Variants in XRN1 observed in about 807,000 individuals in gnomAD.
XRN1 encodes the protein 5'-3' exoribonuclease 1.
XRN1 carries 67 observed loss-of-function variants against 222.3 expected under a neutral mutation model. The ratio of observed to expected loss-of-function variants is 0.30; its 90% CI spans 0.25 to 0.37. The LOEUF (loss-of-function observed/expected upper bound fraction) is 0.37. Ranked by LOEUF, XRN1 falls within the 10% of genes least tolerant of loss-of-function variation. The pLI, the probability that XRN1 is intolerant of heterozygous loss-of-function variation, is 1.00. For synonymous variants in XRN1, 643 were observed against 652.4 expected (o/e 0.99, Z 0.22); for missense variants, 1,707 against 2,000.2 (o/e 0.85, Z 2.80).
At chr3:142,386,257 G>C (rs1577340402) in intron 20 of XRN1, among the ~76,000 whole-genome samples, 1 of 151,930 alleles carries the variant, frequency 6.6e-6, no homozygotes, top group East Asian at 1.9e-4. Context: ...TATTTCTCAT[G>C]AAAGTAGATG....
In XRN1 at chr3:142,417,244, T is replaced by A. The variant is rs2068822429; in HGVS notation, c.1347-15A>T. ...CCAGAAAGTCACTGAAAATAGAATA[T>A]TTTCATTATAACATATTTTCTGAAG... On this transcript the variant is annotated splice_polypyrimidine_tract_variant and intron_variant, in intron 12 of 40. Coordinates refer to ENST00000392981, the MANE Select transcript of XRN1 (RefSeq NM_001282857.2). 1.2e-6 allele frequency: 2 copies of A among 1,610,184 alleles called. No homozygotes were observed. The highest frequency in any genetic ancestry group is 1.7e-6 in the Non-Finnish European group (2 of 1,177,480).
intron 29 of XRN1, among the ~76,000 whole-genome samples, chr3:142,363,914 C>A (rs1235611058): frequency 6.6e-6 from 1 of 151,994 alleles, no homozygotes; most frequent in African/African-American, 2.4e-5. Flanking sequence ...AGTGAGTCTT[C>A]CAAAAAAGTA....
chr3:142,373,233 A>C (rs1577316698), intron 25 of XRN1, among the ~76,000 whole-genome samples: 1 of 152,236 alleles, frequency 6.6e-6, no homozygotes, highest in South Asian at 2.1e-4. Flanking sequence ...TTTAGAAATT[A>C]AAATGATTAA....
chr3:142,378,790 G>T (rs1236744928), intron 23 of XRN1, among the ~76,000 whole-genome samples: 1 of 151,894 alleles, frequency 6.6e-6, no homozygotes, highest in African/African-American at 2.4e-5. Flanking sequence ...AACAGGAGAA[G>T]GGAAGAAAAA....
intron 1 of XRN1, chr3:142,436,147 A>G (rs866242226): frequency 6.6e-6 from 1 of 152,282 alleles, no homozygotes. Context: ...TCATAAGTCT[A>G]ATAAGCACAT....
At chr3:142,407,726 C>T (rs1251264604) in intron 15 of XRN1, 1 of 152,164 alleles carries the variant, frequency 6.6e-6, no homozygotes, top group Non-Finnish European at 1.5e-5. Context: ...TTCTTTGTAT[C>T]ATTCCAGTTT....
intron 21 of XRN1, 71 bp from the exon 22 acceptor site, chr3:142,383,484 G>A (rs1345151098): frequency 4.8e-6 from 6 of 1,261,962 alleles, no homozygotes; most frequent in Admixed American, 2.2e-5. Flanking sequence ...TTTTCCTATG[G>A]GATTATGACT....
intron 13 of XRN1, among the ~76,000 whole-genome samples, chr3:142,415,991 A>T (rs1348629333): frequency 2.0e-5 from 3 of 152,122 alleles, no homozygotes; most frequent in South Asian, 4.1e-4. Context: ...CTGAGGTATG[A>T]TAATTGCTTG....
chr3:142,431,891 TAATATATATATTATATATATAAA>T (rs1559879573), intron 2 of XRN1, among the ~76,000 whole-genome samples: 29 of 35,114 alleles, frequency 8.3e-4, no homozygotes, highest in African/African-American at 3.5e-3. Flanking sequence ...ATATTATATA[TAATATATATATTATATATATAAA>T]TATATATAAT....
intron 15 of XRN1, among the ~76,000 whole-genome samples, chr3:142,409,687 T>C (rs1293992267): frequency 6.6e-6 from 1 of 152,212 alleles, no homozygotes; most frequent in East Asian, 1.9e-4. Flanking sequence ...TTTTCAATTA[T>C]ATAAAAACCT....
intron 32 of XRN1, 114 bp downstream of exon 32, chr3:142,355,287 G>T: frequency 1.6e-5 from 8 of 491,588 alleles, no homozygotes; most frequent in Non-Finnish European, 2.3e-5. Context: ...GATCAAAATT[G>T]TCATTTTCTA....
At chr3:142,431,184 C>G (rs1373250643) in intron 2 of XRN1, among the ~76,000 whole-genome samples, 2 of 152,212 alleles carry the variant, frequency 1.3e-5, no homozygotes, top group Non-Finnish European at 2.9e-5. Flanking sequence ...TACTACAGTA[C>G]TATCATTTGC....
intron 19 of XRN1, 131 bp from the exon 20 acceptor site, chr3:142,397,591 T>G (rs1287578389): frequency 1.8e-6 from 1 of 569,560 alleles, no homozygotes; most frequent in African/African-American, 1.9e-5. Flanking sequence ...AACTGTAATG[T>G]AAATTACAAA....
In XRN1 at chr3:142,375,860, T is replaced by C; in HGVS notation, c.2916A>G (p.Lys972=). The C allele has an allele frequency of 6.2e-7, 1 of 1,614,018 alleles. No homozygotes were observed. The highest frequency in any genetic ancestry group is 8.5e-7 in the Non-Finnish European group (1 of 1,179,966). Residue 972 remains lysine (K), a synonymous_variant, in exon 25 of 41, where the codon AAA becomes AAG. Coordinates refer to ENST00000392981, the MANE Select transcript of XRN1 (RefSeq NM_001282857.2). ...ATGAATACATCCATTCACTTCCAAC[T>C]TTCTTAGTATATCCAGGTACCTCCT... ...KNEEVPGYTK[K]VGSEWMYSSA... is the part of the protein sequence containing the mutation.
At position 142,398,235 on chromosome 3, in the gene XRN1, C is replaced by T. The variant is rs182203192; in HGVS notation, c.2208-775G>A. Among the ~76,000 whole-genome samples the T allele has an allele frequency of 1.5e-4, 23 of 152,140 alleles. No individual in the cohort carries two copies. The East Asian group carries it at 3.3e-3, about 22-fold the overall frequency. On this transcript the variant is annotated intron_variant, in intron 19 of 40. Transcript: ENST00000392981. The stretch of plus-strand genomic sequence containing the variant: ...TTGGGGCGACAGAGCAAGACCTTGT[C>T]TCTCCCAATCAGTCAGTCAGTCAAT...
intron 1 of XRN1, among the ~76,000 whole-genome samples, chr3:142,433,926 C>T (rs2069743180): frequency 6.6e-6 from 1 of 152,108 alleles, no homozygotes; most frequent in African/African-American, 2.4e-5. Context: ...AATCAATGAA[C>T]ACCATCAAAA....
rs569752496 is a variant in XRN1, at chr3:142,365,103, C to T, written c.3338G>A (p.Arg1113Lys). The change falls in exon 29 of 41, where the codon AGA becomes AAA. Residue 1113 changes from arginine to lysine, a missense_variant. This residue lies in a region of XRN1 where 1,234 missense variants were observed against 1,518.2 expected (regional missense o/e 0.81). Coordinates refer to ENST00000392981, the MANE Select transcript of XRN1 (RefSeq NM_001282857.2). ...FCLFDRVVNV[R>K]ENFSVPVGLR... Reference sequence around the variant, plus strand: ...GCCAACTGGAACTGAGAAGTTTTCTCTCACATTTACAACACGGTCAAAAAG... The same window carrying T: ...GCCAACTGGAACTGAGAAGTTTTCTTTCACATTTACAACACGGTCAAAAAG... 1.9e-6 allele frequency: 3 copies of T among 1,613,366 alleles called. No individual in the cohort carries two copies. The highest frequency in any genetic ancestry group is 2.5e-6 in the Non-Finnish European group (3 of 1,179,690).
intron 34 of XRN1, among the ~76,000 whole-genome samples, chr3:142,334,692 C>CAT (rs1470748921): frequency 6.9e-6 from 1 of 144,290 alleles, no homozygotes; most frequent in Non-Finnish European, 1.5e-5. Context: ...TATATAAGAC[C>CAT]ATATATATAT....
intron 20 of XRN1, among the ~76,000 whole-genome samples, chr3:142,388,284 T>C (rs1048328536): frequency 2.0e-5 from 3 of 152,220 alleles, no homozygotes; most frequent in Non-Finnish European, 4.4e-5. Flanking sequence ...ATATTTCTCT[T>C]ATGATTTTAT....
Sources: allele counts gnomAD v4.1 joint callset (sites outside exome capture counted in the v4.1 genomes callset), GRCh38; gene constraint gnomAD v4.1.1; regional missense constraint gnomAD v4.1.1; transcripts MANE v1.5; gene names NCBI Gene and HGNC (gene_info 2026-07-23, HGNC 2026-07-21).